USP49: variants seen among roughly 807,000 people sequenced by gnomAD.
USP49 encodes the protein ubiquitin specific peptidase 49.
USP49 carries 24 observed loss-of-function variants against 58.6 expected under a neutral mutation model. The observed-to-expected ratio is 0.41, with a 90% CI of 0.30 to 0.58. USP49 has a LOEUF of 0.58. Among genes scored for constraint, USP49 ranks in the 20% least tolerant of loss-of-function variants. USP49 has a pLI of 0.30. For synonymous variants in USP49, 408 were observed against 365.1 expected (o/e 1.12, Z -1.34); for missense variants, 703 against 866.1 (o/e 0.81, Z 2.36).
chr6:41,867,836 A>C (rs114139849), intron 3 of USP49, among the ~76,000 whole-genome samples: 1 of 152,186 alleles, frequency 6.6e-6, no homozygotes, highest in Admixed American at 6.6e-5. Flanking sequence ...ATCTACTATA[A>C]ATGATTCATA....
intron 3 of USP49, among the ~76,000 whole-genome samples, chr6:41,835,006 A>C (rs1280197065): frequency 6.6e-6 from 1 of 152,230 alleles, no homozygotes; most frequent in Admixed American, 6.5e-5. Context: ...AGAGATGGTA[A>C]TAAGGAAAGA....
intron 3 of USP49, among the ~76,000 whole-genome samples, chr6:41,850,587 A>C (rs1299140730): frequency 6.6e-6 from 1 of 152,038 alleles, no homozygotes; most frequent in Admixed American, 6.6e-5. Flanking sequence ...AAACTGGATA[A>C]CCTAGAATAA....
intron 3 of USP49, among the ~76,000 whole-genome samples, chr6:41,866,327 A>C (rs1038616829): frequency 2.6e-5 from 4 of 152,144 alleles, no homozygotes; most frequent in Non-Finnish European, 5.9e-5. Context: ...AGATTCCCCT[A>C]AAGAGGCAGC....
chr6:41,875,722 C>A (rs1247272890), intron 2 of USP49, among the ~76,000 whole-genome samples: 1 of 152,128 alleles, frequency 6.6e-6, no homozygotes, highest in African/African-American at 2.4e-5. Flanking sequence ...CTATCCAAAT[C>A]CATTTCATTT....
rs1023637273 is a variant in USP49, at chr6:41,791,441, C to G, written c.*5092G>C. 1 of 152,210 alleles carries G rather than the reference C, an allele frequency of 6.6e-6. No individual in the cohort carries two copies. Among genetic ancestry groups the G allele is most frequent in the African/African-American group, 2.4e-5 (1 of 41,454 alleles). 9.4% of individuals were successfully genotyped at this position (152,210 alleles called of 1,614,324 possible). On this transcript the variant is annotated 3_prime_UTR_variant, in exon 8 of 8. Transcript: ENST00000682992. Reference sequence around the variant, plus strand: ...TTTCATTTCAACTGGCTTAAATCTTCAAAGTGGTTAAGAATTTAGTAAATA... The same window carrying G: ...TTTCATTTCAACTGGCTTAAATCTTGAAAGTGGTTAAGAATTTAGTAAATA...
At chr6:41,873,178 C>G (rs1774445423) in intron 2 of USP49, among the ~76,000 whole-genome samples, 1 of 152,124 alleles carries the variant, frequency 6.6e-6, no homozygotes, top group East Asian at 1.9e-4. Context: ...GGGTGAAGCT[C>G]TTGGGTCAAG....
chr6:41,816,056 A>C (rs1320511292), intron 3 of USP49, among the ~76,000 whole-genome samples: 2 of 152,220 alleles, frequency 1.3e-5, no homozygotes, highest in Non-Finnish European at 2.9e-5. Flanking sequence ...GACGTGGCAC[A>C]AATGCCTTGT....
chr6:41,813,332 C>T (rs963725275), intron 3 of USP49, among the ~76,000 whole-genome samples: 7 of 152,092 alleles, frequency 4.6e-5, no homozygotes, highest in African/African-American at 1.4e-4. Flanking sequence ...TTAATTGCTA[C>T]CAAGATCTTA....
chr6:41,868,893 A>G (rs2127358328), intron 3 of USP49: 1 of 152,374 alleles, frequency 6.6e-6, no homozygotes, highest in Non-Finnish European at 1.5e-5. Context: ...CCTCCCGAGT[A>G]GCTGGGATTA....
chr6:41,800,296 TAAAACAG>T (rs1772975395), intron 5 of USP49, among the ~76,000 whole-genome samples: 1 of 152,210 alleles, frequency 6.6e-6, no homozygotes, highest in African/African-American at 2.4e-5. Context: ...AATGGGATAG[TAAAACAG>T]AAAACAGAAA....
intron 3 of USP49, among the ~76,000 whole-genome samples, chr6:41,818,918 A>G (rs933503874): frequency 3.3e-5 from 5 of 152,120 alleles, no homozygotes; most frequent in Non-Finnish European, 7.3e-5. Context: ...CACATGTACA[A>G]TGAGACTTAC....
In USP49 at chr6:41,794,836, TTAAAA is replaced by T. The variant is rs1772860636; in HGVS notation, c.*1692_*1696del. The T allele has an allele frequency of 6.6e-6, 1 of 152,218 alleles. No individual in the cohort carries two copies. Among genetic ancestry groups the T allele is most frequent in the Non-Finnish European group, 1.5e-5 (1 of 68,040 alleles). The allele number at this position is 152,218 out of a possible 1,614,324, so 9.4% of individuals were successfully genotyped here. On this transcript the variant is annotated 3_prime_UTR_variant, in exon 8 of 8. Coordinates refer to ENST00000682992, the MANE Select transcript of USP49 (RefSeq NM_001286554.2). ...CAGTGTTGGAAAAAGCAAGTTTAAT[TTAAAA>T]TATAGTCACTCCTTCCCTATCAGGG...
chr6:41,870,462 A>T (rs1042844210), intron 3 of USP49, among the ~76,000 whole-genome samples: 1 of 152,230 alleles, frequency 6.6e-6, no homozygotes, highest in South Asian at 2.1e-4. Context: ...AATTATTGAC[A>T]TGAATGTATA....
intron 3 of USP49, among the ~76,000 whole-genome samples, chr6:41,835,984 G>A (rs1047936896): frequency 6.6e-6 from 1 of 151,788 alleles, no homozygotes; most frequent in Non-Finnish European, 1.5e-5. Flanking sequence ...AGGCTGAGGT[G>A]AGAGGAGCAC....
chr6:41,835,248 T>C (rs187832592), intron 3 of USP49, among the ~76,000 whole-genome samples: 1 of 152,350 alleles, frequency 6.6e-6, no homozygotes, highest in East Asian at 1.9e-4. Context: ...ACATTTAGCA[T>C]GCAAAGGAGT....
At chr6:41,827,480 T>C (rs551561700) in intron 3 of USP49, among the ~76,000 whole-genome samples, 1 of 152,078 alleles carries the variant, frequency 6.6e-6, no homozygotes, top group South Asian at 2.1e-4. Context: ...GACAACATGG[T>C]GAAACCCCGT....
chr6:41,795,738 A>T lies in USP49; in HGVS notation c.*795T>A, dbSNP rs931766837. The T allele has an allele frequency of 6.6e-6, 1 of 152,254 alleles. No individual in the cohort carries two copies. The allele number at this position is 152,254 out of a possible 1,614,324, so 9.4% of individuals were successfully genotyped here. Reference sequence around the variant, plus strand: ...CATGTGCTTGCCCTAGACCTGAACCAGGGATCTGCTACAGAACTGAGATAG... The same window carrying T: ...CATGTGCTTGCCCTAGACCTGAACCTGGGATCTGCTACAGAACTGAGATAG... On this transcript the variant is annotated 3_prime_UTR_variant, in exon 8 of 8. Coordinates refer to ENST00000682992, the MANE Select transcript of USP49 (RefSeq NM_001286554.2).
chr6:41,882,531 T>C (rs1159310342), intron 2 of USP49, among the ~76,000 whole-genome samples: 1 of 152,186 alleles, frequency 6.6e-6, no homozygotes, highest in Non-Finnish European at 1.5e-5. Flanking sequence ...ACAATCTGGA[T>C]GATCTAAGTC....
chr6:41,890,899 G>A (rs1774800241), intron 2 of USP49, among the ~76,000 whole-genome samples: 1 of 152,122 alleles, frequency 6.6e-6, no homozygotes, highest in Admixed American at 6.5e-5. Flanking sequence ...CAGTTTTCTA[G>A]CTAAAAAGGT....
Sources: gnomAD v4.1 joint callset for allele counts (sites outside exome capture counted in the v4.1 genomes callset) on GRCh38, gnomAD v4.1.1 for gene constraint, MANE v1.5 for transcripts, NCBI Gene and HGNC (gene_info 2026-07-23, HGNC 2026-07-21) for gene names.